Variants in DNAI2 observed in about 807,000 individuals in gnomAD.
The protein encoded by DNAI2 is dynein, axonemal, intermediate polypeptide 2.
Under a neutral mutation model 74.7 loss-of-function variants are expected in DNAI2, and 63 were observed. The observed-to-expected ratio is 0.84, with a 90% CI of 0.69 to 1.04. The LOEUF (loss-of-function observed/expected upper bound fraction) is 1.04. Among genes scored for constraint, DNAI2 ranks in the 50% least tolerant of loss-of-function variants. The pLI is 0.00. For missense variants in DNAI2, 688 were observed against 803.2 expected (o/e 0.86, Z 1.73); for synonymous variants, 289 against 314.9 (o/e 0.92, Z 0.87).
chr17:74,286,947 T>C (rs1190791882), intron 3 of DNAI2, 30 bp from the exon 4 acceptor site: 1 of 1,613,420 alleles, frequency 6.2e-7, no homozygotes, highest in African/African-American at 1.3e-5. Context: ...CTCCATTTAC[T>C]GCGGAGAACT....
chr17:74,309,546 T>C (rs1384019494), intron 10 of DNAI2, 158 bp downstream of exon 10: 12 of 1,060,374 alleles, frequency 1.1e-5, no homozygotes, highest in Non-Finnish European at 1.7e-5. Context: ...CAGCGATTGC[T>C]TTTGAGCGTG....
chr17:74,295,847 T>C (rs2052392558), intron 6 of DNAI2, among the ~76,000 whole-genome samples: 1 of 152,176 alleles, frequency 6.6e-6, no homozygotes, highest in Admixed American at 6.5e-5. Context: ...CTTAGCTTAG[T>C]GATTAGTTAA....
In DNAI2 at chr17:74,285,039, G is replaced by A. The variant is rs1598278059; in HGVS notation, c.184-1G>A. On this transcript the variant is annotated splice_acceptor_variant, in intron 2 of 13. Transcript: ENST00000311014. LOFTEE classifies it high-confidence loss of function. ...CTTCCCTCCTGCGGCTCTCTGTTTAGGCCAACTCAGAGCGGTTTGAGATGG... is the reference window on the plus strand; with the variant it reads ...CTTCCCTCCTGCGGCTCTCTGTTTAAGCCAACTCAGAGCGGTTTGAGATGG... The A allele has an allele frequency of 6.2e-7, 1 of 1,614,170 alleles. No individual in the cohort carries two copies. Among genetic ancestry groups the A allele is most frequent in the African/African-American group, 1.3e-5 (1 of 75,050 alleles).
intron 5 of DNAI2, 40 bp from the exon 6 acceptor site, chr17:74,290,980 T>C: frequency 6.3e-7 from 1 of 1,578,718 alleles, no homozygotes. Flanking sequence ...TGTCCTTTTC[T>C]TTCCGGGCCT....
intron 1 of DNAI2, among the ~76,000 whole-genome samples, chr17:74,274,813 G>T (rs537565522): frequency 6.6e-6 from 1 of 152,310 alleles, no homozygotes; most frequent in Admixed American, 6.5e-5. Flanking sequence ...TGTTTTAAGT[G>T]CTTTCTTTCA....
In DNAI2 at chr17:74,309,269, C is replaced by T; in HGVS notation, c.1228C>T (p.Leu410Phe). ...IMWTKYHMAYLTDAAWSPVRP... is the reference protein window; with the variant it reads ...IMWTKYHMAYFTDAAWSPVRP... ...CTCCCACAGGTACCACATGGCTTAC[C>T]TCACTGATGCTGCCTGGAGCCCCGT... The change falls in exon 10 of 14, where the codon CTC becomes TTC. Residue 410 changes from leucine to phenylalanine, a missense_variant. Coordinates refer to ENST00000311014, the MANE Select transcript of DNAI2 (RefSeq NM_023036.6). The T allele has an allele frequency of 6.2e-7, 1 of 1,614,110 alleles. No homozygotes were observed. Among genetic ancestry groups the T allele is most frequent in the Non-Finnish European group, 8.5e-7 (1 of 1,180,026 alleles).
At chr17:74,311,581 C>T (rs1174784854) in intron 11 of DNAI2, among the ~76,000 whole-genome samples, 1 of 152,286 alleles carries the variant, frequency 6.6e-6, no homozygotes, top group East Asian at 1.9e-4. Flanking sequence ...CCATTGCATT[C>T]CAGCCTGGGC....
rs776802277 is a variant in DNAI2, at chr17:74,281,839, G to C, written c.22G>C (p.Val8Leu). The C allele has an allele frequency of 6.2e-7, 1 of 1,613,908 alleles. No individual in the cohort carries two copies. The highest frequency in any genetic ancestry group is 8.5e-7 in the Non-Finnish European group (1 of 1,180,032). MEIVYVY[V>L]KKRSEFGKQC... Reference sequence around the variant, plus strand: ...CACCATGGAGATTGTGTACGTGTACGTCAAGAAGCGCAGCGAGTTCGGGAA... The same window carrying C: ...CACCATGGAGATTGTGTACGTGTACCTCAAGAAGCGCAGCGAGTTCGGGAA... Residue 8 changes from valine (V) to leucine (L), a missense_variant, in exon 2 of 14, where the codon GTC (valine) becomes CTC (leucine). Coordinates refer to ENST00000311014, the MANE Select transcript of DNAI2 (RefSeq NM_023036.6).
rs1446988808 is a variant in DNAI2 at position 74,310,147 on chromosome 17, A to G, written c.1478A>G (p.Lys493Arg). ...PGLSTLQRNE[K>R]NVASSMFERE... ...CTCTCTACCCTCCAGAGGAATGAGAAGAACGTAGCCTCTTCCGTAAGCACC... is the reference window on the plus strand; with the variant it reads ...CTCTCTACCCTCCAGAGGAATGAGAGGAACGTAGCCTCTTCCGTAAGCACC... Residue 493 changes from lysine to arginine, a missense_variant, in exon 11 of 14, where the codon AAG (lysine) becomes AGG (arginine). Lys to Arg is a conservative substitution (Grantham distance 26). Coordinates refer to ENST00000311014, the MANE Select transcript of DNAI2 (RefSeq NM_023036.6). The G allele has an allele frequency of 6.2e-7, 1 of 1,613,590 alleles. No homozygotes were observed. Among genetic ancestry groups the G allele is most frequent in the Non-Finnish European group, 8.5e-7 (1 of 1,180,030 alleles).
At position 74,300,322 on chromosome 17, in the gene DNAI2, T is replaced by C. The variant is rs1490852685; in HGVS notation, c.864+465T>C. ...AATCTAAAGGGTGCAAAAAAGAAAA[T>C]GCCTTCCTCTCACCTCTGCCTGCAC... On this transcript the variant is annotated intron_variant, in intron 7 of 13. Coordinates refer to ENST00000311014, the MANE Select transcript of DNAI2 (RefSeq NM_023036.6). This position sits in a 1 kb window ranked among gnomAD's most constrained non-coding sequence, Gnocchi z 4.5. Among the ~76,000 whole-genome samples the C allele has an allele frequency of 6.6e-6, 1 of 152,102 alleles. No individual in the cohort carries two copies. Among genetic ancestry groups the C allele is most frequent in the African/African-American group, 2.4e-5 (1 of 41,422 alleles).
Position 74,300,309 on chromosome 17 carries a change from G to T in DNAI2, c.864+452G>T, listed in dbSNP as rs573780036. Reference sequence around the variant, plus strand: ...GCCCACGGAACAGAATCTAAAGGGTGCAAAAAAGAAAATGCCTTCCTCTCA... The same window carrying T: ...GCCCACGGAACAGAATCTAAAGGGTTCAAAAAAGAAAATGCCTTCCTCTCA... On this transcript the variant is annotated intron_variant, in intron 7 of 13. Coordinates refer to ENST00000311014, the MANE Select transcript of DNAI2 (RefSeq NM_023036.6). The surrounding 1 kb of genome is among the most constrained non-coding windows in gnomAD (Gnocchi z 4.5). Among the ~76,000 whole-genome samples, 3 of 152,282 alleles carry T rather than the reference G, an allele frequency of 2.0e-5. No individual in the cohort carries two copies. Among genetic ancestry groups the T allele is most frequent in the Admixed American group, 2.0e-4 (3 of 15,290 alleles).
chr17:74,312,731 G>A (rs2053610225), intron 12 of DNAI2, among the ~76,000 whole-genome samples: 1 of 152,230 alleles, frequency 6.6e-6, no homozygotes, highest in Non-Finnish European at 1.5e-5. Flanking sequence ...CTTTCTAGCT[G>A]TATCACCTGA....
At chr17:74,298,545 G>T (rs1054115681) in intron 6 of DNAI2, among the ~76,000 whole-genome samples, 3 of 152,068 alleles carry the variant, frequency 2.0e-5, no homozygotes, top group African/African-American at 7.2e-5. Flanking sequence ...GACCACAAGT[G>T]ATCCACCTGC....
intron 6 of DNAI2, among the ~76,000 whole-genome samples, chr17:74,296,293 A>G (rs559558540): frequency 6.9e-6 from 1 of 144,360 alleles, no homozygotes; most frequent in South Asian, 2.3e-4. Flanking sequence ...TGTGCAGCAT[A>G]GTGAGATCTT....
intron 4 of DNAI2, among the ~76,000 whole-genome samples, chr17:74,287,747 G>A (rs1458197041): frequency 6.6e-6 from 1 of 152,234 alleles, no homozygotes; most frequent in African/African-American, 2.4e-5. Context: ...CTGAGGTCAG[G>A]AGTTCAAGAC....
At chr17:74,284,945 C>T in intron 2 of DNAI2, 95 bp from the exon 3 acceptor site, 9 of 1,547,640 alleles carry the variant, frequency 5.8e-6, no homozygotes, top group Non-Finnish European at 8.0e-6. Flanking sequence ...CAGCATCCAG[C>T]CCTGGGAGCC....
chr17:74,294,364 C>A (rs1398805056), intron 6 of DNAI2, among the ~76,000 whole-genome samples: 1 of 151,120 alleles, frequency 6.6e-6, no homozygotes, highest in African/African-American at 2.4e-5. Flanking sequence ...AGCTGGAGCG[C>A]AGTGCTGTGA....
chr17:74,302,498 C>T lies in DNAI2; in HGVS notation c.987+1330C>T, dbSNP rs184730745. On this transcript the variant is annotated intron_variant, in intron 8 of 13. Coordinates refer to ENST00000311014, the MANE Select transcript of DNAI2 (RefSeq NM_023036.6). ...AGGAGAATTGCTTGAACCTGGGAGG[C>T]GGGGGTTGCGGTGAGCCAAGATCGC... 2.3e-3 allele frequency among the ~76,000 whole-genome samples: 351 copies of T among 151,840 alleles called. 1 individual carries two copies. The highest frequency in any genetic ancestry group is 0.01 in the Middle Eastern group (3 of 294).
chr17:74,292,652 A>G (rs1473901868), intron 6 of DNAI2, among the ~76,000 whole-genome samples: 4 of 151,968 alleles, frequency 2.6e-5, no homozygotes, highest in Admixed American at 2.6e-4. Flanking sequence ...CCTGGGCTCA[A>G]GGGATCCGCC....
Sources: gnomAD v4.1 joint callset for allele counts (sites outside exome capture counted in the v4.1 genomes callset) on GRCh38, gnomAD v4.1.1 for gene constraint, Gnocchi (gnomAD v3.1) non-coding constraint, MANE v1.5 for transcripts, NCBI Gene and HGNC (gene_info 2026-07-23, HGNC 2026-07-21) for gene names.